Variants in LDAH observed in about 807,000 individuals in gnomAD.
LDAH encodes the protein lipid droplet associated hydrolase, also known as lipid droplet-associated hydrolase.
LDAH carries 26 observed loss-of-function variants against 29.6 expected under a neutral mutation model. The observed-to-expected ratio is 0.88, with a 90% confidence interval of 0.64 to 1.22. LDAH has a LOEUF of 1.22. LDAH is among the 50% of genes most tolerant of loss of function. LDAH has a pLI of 0.00. For missense variants in LDAH, 344 were observed against 387.3 expected, an observed-to-expected ratio of 0.89 and a Z score of 0.94; for synonymous variants, 117 against 133.0, an observed-to-expected ratio of 0.88 and a Z score of 0.83.
intron 3 of LDAH, 77 bp downstream of exon 3, chr2:20,790,176 ACT>A: frequency 6.8e-7 from 1 of 1,467,456 alleles, no homozygotes; most frequent in Non-Finnish European, 9.3e-7. Context: ...CACTGGTGTA[ACT>A]CTTAACCTTA....
At chr2:20,714,114 T>G (rs1264976400) in intron 5 of LDAH, among the ~76,000 whole-genome samples, 1 of 152,150 alleles carries the variant, frequency 6.6e-6, no homozygotes, top group Non-Finnish European at 1.5e-5. Context: ...ATTCCAAAAT[T>G]GACCCCATAG....
chr2:20,811,164 C>T (rs1422535521), intron 1 of LDAH, among the ~76,000 whole-genome samples: 1 of 151,812 alleles, frequency 6.6e-6, no homozygotes, highest in African/African-American at 2.4e-5. Context: ...ACTACAGGCG[C>T]CCGCCACCAC....
intron 5 of LDAH, among the ~76,000 whole-genome samples, chr2:20,736,562 T>C (rs1224397277): frequency 6.6e-6 from 1 of 152,076 alleles, no homozygotes; most frequent in Non-Finnish European, 1.5e-5. Context: ...GGCAAAAGGA[T>C]TATTTTAAAC....
intron 5 of LDAH, among the ~76,000 whole-genome samples, chr2:20,706,973 TTG>T (rs1424980487): frequency 6.6e-6 from 1 of 152,240 alleles, no homozygotes; most frequent in Non-Finnish European, 1.5e-5. Context: ...GAGGCCTTGC[TTG>T]TCGGGGAGAG....
At chr2:20,821,775 A>G (rs1386490575) in intron 1 of LDAH, among the ~76,000 whole-genome samples, 1 of 152,192 alleles carries the variant, frequency 6.6e-6, no homozygotes, top group Non-Finnish European at 1.5e-5. Flanking sequence ...TTTTAAAAAA[A>G]TTAAAAAAAA....
chr2:20,757,689 C>T (rs1327524638), intron 4 of LDAH, among the ~76,000 whole-genome samples: 3 of 152,174 alleles, frequency 2.0e-5, no homozygotes, highest in African/African-American at 7.2e-5. Context: ...ATTGCCCTCC[C>T]TAATGTGAGT....
chr2:20,700,664 G>A (rs1169575060), intron 6 of LDAH, among the ~76,000 whole-genome samples: 2 of 152,012 alleles, frequency 1.3e-5, no homozygotes, highest in Non-Finnish European at 2.9e-5. Flanking sequence ...GAAGCATAAA[G>A]CAAGGTACAT....
At chr2:20,818,629 T>C (rs1383554088) in intron 1 of LDAH, among the ~76,000 whole-genome samples, 1 of 152,058 alleles carries the variant, frequency 6.6e-6, no homozygotes, top group Non-Finnish European at 1.5e-5. Context: ...TCATCAGACC[T>C]AAAAAGCAGG....
chr2:20,766,785 C>G (rs1381965986), intron 4 of LDAH, among the ~76,000 whole-genome samples: 1 of 152,248 alleles, frequency 6.6e-6, no homozygotes, highest in Non-Finnish European at 1.5e-5. Flanking sequence ...ACGGTGGCAG[C>G]AGAAGTGGCT....
Position 20,686,810 on chromosome 2 carries a change from A to T in LDAH, c.*93T>A. On this transcript the variant is annotated 3_prime_UTR_variant, in exon 7 of 7. Transcript: ENST00000237822. ...AAGGTTCTCACTTTCTTCATTTCTA[A>T]TATCAGTCTTCAAAATTAAACATTT... is the stretch of plus-strand genomic sequence containing the variant. 8.6e-7 allele frequency: 1 copy of T among 1,159,876 alleles called. No homozygotes were observed. Among genetic ancestry groups the T allele is most frequent in the Non-Finnish European group, 1.2e-6 (1 of 815,894 alleles). 71.8% of individuals were successfully genotyped at this position (1,159,876 alleles called of 1,614,324 possible).
chr2:20,797,921 T>G (rs959554646), intron 2 of LDAH, among the ~76,000 whole-genome samples: 2 of 152,100 alleles, frequency 1.3e-5, no homozygotes, highest in African/African-American at 2.4e-5. Context: ...GAAAAAACAG[T>G]CACACCAAGG....
rs118058057 is a variant in LDAH, at chr2:20,719,063, T to C, written c.704-17411A>G. On this transcript the variant is annotated intron_variant, in intron 5 of 6. Coordinates refer to ENST00000237822, the MANE Select transcript of LDAH (RefSeq NM_021925.4). ...GCAATAAATGCCTATGTCAAAAAAA[T>C]ACAGGCTTCAAATAAATAACCTAAT... is the stretch of plus-strand genomic sequence containing the variant. Among the ~76,000 whole-genome samples, 284 of 151,692 alleles carry C rather than the reference T, an allele frequency of 1.9e-3. 4 individuals carry two copies. The highest frequency in any genetic ancestry group is 0.018 in the East Asian group (95 of 5,158).
rs1005060069 is a variant in LDAH, at chr2:20,765,277, T to A, written c.468+9533A>T. 2.6e-5 allele frequency among the ~76,000 whole-genome samples: 4 copies of A among 152,208 alleles called. No homozygotes were observed. In the East Asian group the frequency reaches 7.7e-4, roughly 29 times the overall value. ...CTCCCCTACTTACAGGAAAAAAAGT[T>A]CCCTTGACCAGCTTCTTCCTTAAAT... On this transcript the variant is annotated intron_variant, in intron 4 of 6. Transcript: ENST00000237822.
chr2:20,790,183 A>G (rs1670848717), intron 3 of LDAH, 72 bp downstream of exon 3: 5 of 1,529,028 alleles, frequency 3.3e-6, no homozygotes, highest in African/African-American at 1.4e-5. Flanking sequence ...GTAACTCTTA[A>G]CCTTAGCAAG....
At chr2:20,819,360 T>C (rs1307079727) in intron 1 of LDAH, among the ~76,000 whole-genome samples, 1 of 152,212 alleles carries the variant, frequency 6.6e-6, no homozygotes, top group East Asian at 1.9e-4. Flanking sequence ...TGAGGTATAC[T>C]TAAAGTGACT....
Position 20,698,335 on chromosome 2 carries a change from C to A in LDAH, c.786+3235G>T, listed in dbSNP as rs1167217114. Among the ~76,000 whole-genome samples, 1 of 152,184 alleles carries A rather than the reference C, an allele frequency of 6.6e-6. No homozygotes were observed. The highest frequency in any genetic ancestry group is 1.5e-5 in the Non-Finnish European group (1 of 68,030). ...CATAGGGAGTAACATCTAACCAAAA[C>A]CAAGGACTGGGAAGGCCTCTTGGGG... On this transcript the variant is annotated intron_variant, in intron 6 of 6. Transcript: ENST00000237822. The surrounding 1 kb of genome is among the most constrained non-coding windows in gnomAD (Gnocchi z 4.4).
At chr2:20,683,062 C>T (rs1215777144), downstream of LDAH, among the ~76,000 whole-genome samples, 1 of 152,212 alleles carries the variant, frequency 6.6e-6, no homozygotes, top group Admixed American at 6.5e-5. Context: ...CTTTATAGAA[C>T]CCTTTATAGA....
intron 4 of LDAH, among the ~76,000 whole-genome samples, chr2:20,747,459 C>T (rs888213885): frequency 1.1e-4 from 16 of 152,122 alleles, no homozygotes; most frequent in African/African-American, 3.9e-4. Flanking sequence ...ATGTCTTAGC[C>T]AACATGCAAT....
rs141919787 is a variant in LDAH, at chr2:20,760,234, G to C, written c.468+14576C>G. On this transcript the variant is annotated intron_variant, in intron 4 of 6. Coordinates refer to ENST00000237822, the MANE Select transcript of LDAH (RefSeq NM_021925.4). ...AGCAGGGAAAAGTGACAGGGGAAAAGGCTAGGCTAGCTGCTACTGCTACAA... is the reference window on the plus strand; with the variant it reads ...AGCAGGGAAAAGTGACAGGGGAAAACGCTAGGCTAGCTGCTACTGCTACAA... Among the ~76,000 whole-genome samples the C allele has an allele frequency of 9.2e-3, 1,407 of 152,266 alleles. 19 individuals carry two copies. Among genetic ancestry groups the C allele is most frequent in the African/African-American group, 0.032 (1,334 of 41,534 alleles).
Sources: allele counts gnomAD v4.1 joint callset (sites outside exome capture counted in the v4.1 genomes callset), GRCh38; gene constraint gnomAD v4.1.1; non-coding constraint Gnocchi (gnomAD v3.1); transcripts MANE v1.5; gene names NCBI Gene and HGNC (gene_info 2026-07-23, HGNC 2026-07-21).